ARHGEF9: variants seen among roughly 807,000 people sequenced by gnomAD.
ARHGEF9 encodes rho guanine nucleotide exchange factor 9.
A neutral mutation model predicts 41.3 loss-of-function variants in ARHGEF9; 2 were observed. That is an observed-to-expected ratio of 0.05 (90% CI 0.02 to 0.15). The LOEUF is 0.15. Ranked by LOEUF, ARHGEF9 falls within the 10% of genes least tolerant of loss-of-function variation. The pLI, the probability that ARHGEF9 is intolerant of heterozygous loss-of-function variation, is 1.00. For missense variants in ARHGEF9, 225 were observed against 424.7 expected (o/e 0.53, Z 4.13); for synonymous variants, 160 against 154.4 (o/e 1.04, Z -0.27).
chrX:63,702,119 G>C (rs1386269191), intron 3 of ARHGEF9, among the ~76,000 whole-genome samples: 2 of 112,460 alleles, frequency 1.8e-5, no homozygotes, highest in African/African-American at 6.5e-5. Context: ...TCTTGATAGT[G>C]AATGGTATGA....
chrX:63,665,193 G>A (rs10449038), intron 7 of ARHGEF9, among the ~76,000 whole-genome samples: 22 of 112,334 alleles, frequency 2.0e-4, no homozygotes, highest in Non-Finnish European at 3.6e-4. Flanking sequence ...ATAAGGAGGA[G>A]TGACGCTTAG....
chrX:63,640,331 C>T (rs1556304365), intron 9 of ARHGEF9: 19 of 112,103 alleles, frequency 1.7e-4, no homozygotes, highest in Non-Finnish European at 5.6e-5. Context: ...TCTGATATGT[C>T]CACCCTTCTG....
chrX:63,744,203 T>G (rs1556430491), intron 1 of ARHGEF9, among the ~76,000 whole-genome samples: 1 of 112,495 alleles, frequency 8.9e-6, no homozygotes, highest in African/African-American at 3.2e-5. Flanking sequence ...CCCACAGTTC[T>G]GCCTGAACTG....
chrX:63,778,173 T>C (rs1466843173), intron 1 of ARHGEF9, among the ~76,000 whole-genome samples: 4 of 112,565 alleles, frequency 3.6e-5, no homozygotes, highest in Admixed American at 9.4e-5. Context: ...GCAGACTTTC[T>C]TGGGAAGGTT....
chrX:63,757,321 C>T (rs1414077023), intron 1 of ARHGEF9, among the ~76,000 whole-genome samples: 2 of 111,833 alleles, frequency 1.8e-5, no homozygotes, highest in Non-Finnish European at 3.8e-5. Context: ...AAGCAGAGAG[C>T]TGCTGATGAC....
chrX:63,735,013 G>T (rs782457365), intron 1 of ARHGEF9, among the ~76,000 whole-genome samples: 1 of 110,843 alleles, frequency 9.0e-6, no homozygotes, highest in Non-Finnish European at 1.9e-5. Flanking sequence ...AGCCAGCGTG[G>T]GTCTTATACC....
In ARHGEF9 at chrX:63,772,383, C is replaced by A. The variant is rs149054800; in HGVS notation, c.30+12733G>T. On this transcript the variant is annotated intron_variant, in intron 1 of 9. Transcript: ENST00000671741. ...ATTCTCTACAGGGCCTGCAAAAGTC[C>A]TTTTCTTGTATCACAAAGCAGACCC... Among the ~76,000 whole-genome samples the A allele has an allele frequency of 8.8e-4, 99 of 111,872 alleles. 2 individuals are homozygous for A. In the East Asian group the frequency reaches 0.024, roughly 27 times the overall value.
At chrX:63,666,449 T>TACAC (rs782141996) in intron 6 of ARHGEF9, among the ~76,000 whole-genome samples, 12 of 19,840 alleles carry the variant, frequency 6.0e-4, no homozygotes, top group South Asian at 5.2e-3. Flanking sequence ...CATATATATA[T>TACAC]ACATACACAC....
At chrX:63,671,803 A>C (rs1174927682) in intron 6 of ARHGEF9, among the ~76,000 whole-genome samples, 1 of 112,405 alleles carries the variant, frequency 8.9e-6, no homozygotes, top group East Asian at 2.8e-4. Flanking sequence ...GACATTCTAG[A>C]AGTCTTTAAC....
intron 1 of ARHGEF9, among the ~76,000 whole-genome samples, chrX:63,747,231 A>G (rs1556435170): frequency 1.8e-5 from 2 of 112,307 alleles, no homozygotes; most frequent in Non-Finnish European, 3.8e-5. Context: ...AGAGGAGAGA[A>G]GTAATTTGCC....
At chrX:63,766,467 G>T (rs1556451890) in intron 1 of ARHGEF9, among the ~76,000 whole-genome samples, 1 of 111,944 alleles carries the variant, frequency 8.9e-6, no homozygotes, top group East Asian at 2.8e-4. Flanking sequence ...CAATGCCTCT[G>T]TCCTCTCTTA....
chrX:63,761,327 TTTA>T (rs2056030072), intron 1 of ARHGEF9, among the ~76,000 whole-genome samples: 1 of 112,070 alleles, frequency 8.9e-6, no homozygotes, highest in Non-Finnish European at 1.9e-5. Flanking sequence ...TGTTTATTGA[TTTA>T]TTGTCTCCTT....
chrX:63,715,182 C>T (rs1304962536), intron 2 of ARHGEF9, among the ~76,000 whole-genome samples: 5 of 112,014 alleles, frequency 4.5e-5, no homozygotes, highest in Admixed American at 2.8e-4. Context: ...CCTGCTTAGA[C>T]GTTGATAGAA....
chrX:63,772,370 G>A (rs1556455408), intron 1 of ARHGEF9, among the ~76,000 whole-genome samples: 1 of 111,611 alleles, frequency 9.0e-6, no homozygotes. Flanking sequence ...TCTCTACAGG[G>A]CCTGCAAAAG....
intron 2 of ARHGEF9, among the ~76,000 whole-genome samples, chrX:63,712,121 AC>A (rs2052973484): frequency 8.9e-6 from 1 of 112,096 alleles, no homozygotes; most frequent in Admixed American, 9.4e-5. Flanking sequence ...AAGGTCAATA[AC>A]AAGTATTGAC....
intron 1 of ARHGEF9, among the ~76,000 whole-genome samples, chrX:63,750,846 T>A (rs1175405173): frequency 1.8e-5 from 2 of 111,550 alleles, no homozygotes; most frequent in Non-Finnish European, 3.8e-5. Flanking sequence ...GCTCTACATG[T>A]CTGCTGTGGA....
At chrX:63,758,912 C>T (rs781925204) in intron 1 of ARHGEF9, among the ~76,000 whole-genome samples, 11 of 111,889 alleles carry the variant, frequency 9.8e-5, no homozygotes, top group Non-Finnish European at 1.9e-4. Context: ...TTGTGCCCAG[C>T]GCAGTGTCTG....
At chrX:63,668,721 C>G (rs1430798073) in intron 6 of ARHGEF9, among the ~76,000 whole-genome samples, 2 of 112,197 alleles carry the variant, frequency 1.8e-5, no homozygotes, top group African/African-American at 6.5e-5. Context: ...ACTGTGTGCC[C>G]CAGTTTCCAT....
chrX:63,660,051 A>C (rs2049121996), intron 7 of ARHGEF9, among the ~76,000 whole-genome samples: 1 of 112,064 alleles, frequency 8.9e-6, no homozygotes, highest in East Asian at 2.8e-4. Flanking sequence ...GTATGTACCC[A>C]AAGGAATATA....
Sources: allele counts gnomAD v4.1 joint callset (sites outside exome capture counted in the v4.1 genomes callset), GRCh38; gene constraint gnomAD v4.1.1; transcripts MANE v1.5; gene names NCBI Gene and HGNC (gene_info 2026-07-23, HGNC 2026-07-21).